Variants in CYP39A1 observed in about 807,000 individuals in gnomAD.
CYP39A1 encodes cytochrome P450 family 39 subfamily A member 1.
In CYP39A1, 49 loss-of-function variants were observed where a neutral mutation model predicts 58.1. The observed-to-expected ratio is 0.84, with a 90% CI of 0.67 to 1.07. The LOEUF (loss-of-function observed/expected upper bound fraction) is 1.07. CYP39A1 is among the 50% of genes least tolerant of loss of function. The pLI is 0.00. For synonymous variants in CYP39A1, 209 were observed against 187.6 expected (o/e 1.11, Z -0.93); for missense variants, 531 against 539.4 (o/e 0.98, Z 0.16).
chr6:46,646,967 T>C (rs1424378447), intron 1 of CYP39A1, among the ~76,000 whole-genome samples: 2 of 152,056 alleles, frequency 1.3e-5, no homozygotes, highest in Admixed American at 1.3e-4. Flanking sequence ...GCAATGTTAT[T>C]GGTCTTCTCA....
chr6:46,572,944 T>G (rs139322021), intron 10 of CYP39A1, among the ~76,000 whole-genome samples: 252 of 151,900 alleles, frequency 1.7e-3, no homozygotes, highest in African/African-American at 5.8e-3. Context: ...GCTGTTGAAG[T>G]TCCCTATTGC....
intron 10 of CYP39A1, among the ~76,000 whole-genome samples, chr6:46,558,918 C>T (rs1410062395): frequency 6.6e-6 from 1 of 151,388 alleles, no homozygotes; most frequent in Non-Finnish European, 1.5e-5. Context: ...ATTGCTTGAA[C>T]CTGGGAAGCA....
At chr6:46,629,000 C>A (rs1449123597) in intron 6 of CYP39A1, among the ~76,000 whole-genome samples, 2 of 152,114 alleles carry the variant, frequency 1.3e-5, no homozygotes, top group Non-Finnish European at 2.9e-5. Flanking sequence ...GCATTAATCC[C>A]ATTTTACAGA....
At chr6:46,570,731 G>A (rs966423969) in intron 10 of CYP39A1, among the ~76,000 whole-genome samples, 1 of 152,148 alleles carries the variant, frequency 6.6e-6, no homozygotes, top group Non-Finnish European at 1.5e-5. Context: ...GAATGCAAGA[G>A]AGAAATGGGA....
At chr6:46,611,092 A>G (rs1176895045) in intron 7 of CYP39A1, among the ~76,000 whole-genome samples, 2 of 152,198 alleles carry the variant, frequency 1.3e-5, no homozygotes, top group Non-Finnish European at 2.9e-5. Flanking sequence ...GGCAAACCAC[A>G]CATGTTTCTA....
chr6:46,595,595 G>A (rs1773099681), intron 8 of CYP39A1, among the ~76,000 whole-genome samples: 1 of 151,694 alleles, frequency 6.6e-6, no homozygotes, highest in Admixed American at 6.6e-5. Flanking sequence ...GTAAAGAAGG[G>A]GTGGAGGAGG....
At chr6:46,554,590 T>C (rs912365396) in intron 10 of CYP39A1, among the ~76,000 whole-genome samples, 1 of 145,034 alleles carries the variant, frequency 6.9e-6, no homozygotes, top group African/African-American at 2.5e-5. Context: ...GACTATTTTC[T>C]AAGACACATA....
At position 46,650,111 on chromosome 6, in the gene CYP39A1, T is replaced by TACACACACACACACACAC. The variant is rs3085603; in HGVS notation, c.177+2277_177+2294dup. 4.2e-3 allele frequency among the ~76,000 whole-genome samples: 619 copies of TACACACACACACACACAC among 147,010 alleles called. 2 individuals are homozygous for TACACACACACACACACAC. Among genetic ancestry groups the TACACACACACACACACAC allele is most frequent in the Middle Eastern group, 0.011 (3 of 284 alleles). On this transcript the variant is annotated intron_variant, in intron 1 of 11. Coordinates refer to ENST00000275016, the MANE Select transcript of CYP39A1 (RefSeq NM_016593.5). ...TGGATGTTAAGACAATTACTACATT[T>TACACACACACACACACAC]ACACACACACACACACACACACACA...
rs545044979 is a variant in CYP39A1 at position 46,550,297 on chromosome 6, C to T, written c.*69G>A. 5.4e-6 allele frequency: 7 copies of T among 1,293,180 alleles called. No homozygotes were observed. The South Asian group carries it at 8.8e-5, about 16-fold the overall frequency. 80.1% of individuals were successfully genotyped at this position (1,293,180 alleles called of 1,614,324 possible). A position where few individuals can be genotyped will look rare whatever the true frequency, so the allele number is the denominator to read the frequency against. ...CAGTGTGTTTTTGTAGAGCTCAGGT[C>T]TAGGTGCTGCCAGGTGGGGTAGTGC... On this transcript the variant is annotated 3_prime_UTR_variant, in exon 12 of 12. Transcript: ENST00000275016.
intron 8 of CYP39A1, among the ~76,000 whole-genome samples, chr6:46,595,461 T>G (rs114765328): frequency 0.011 from 1,598 of 152,048 alleles, 28 homozygotes; most frequent in African/African-American, 0.037. Context: ...AGAAAACATT[T>G]TGTTAAGTGA....
chr6:46,583,545 G>T (rs751039099), intron 10 of CYP39A1: 4 of 985,372 alleles, frequency 4.1e-6, no homozygotes, highest in Non-Finnish European at 4.8e-6. Context: ...TTCTGAAGAA[G>T]TCTGGTGGTT....
At chr6:46,644,245 G>T (rs950249517) in intron 1 of CYP39A1, among the ~76,000 whole-genome samples, 13 of 152,070 alleles carry the variant, frequency 8.5e-5, no homozygotes, top group African/African-American at 2.9e-4. Context: ...CAATTTTTGG[G>T]GACTGGCTTT....
intron 5 of CYP39A1, among the ~76,000 whole-genome samples, chr6:46,636,151 CG>C (rs1775974281): frequency 6.6e-6 from 1 of 152,046 alleles, no homozygotes; most frequent in Non-Finnish European, 1.5e-5. Context: ...TACGGAACAT[CG>C]GAATTGTATT....
At position 46,557,861 on chromosome 6, in the gene CYP39A1, C is replaced by T. The variant is rs180837581; in HGVS notation, c.1251-4007G>A. ...CTGAGGCAGAGAATTGCTTGAACTC[C>T]GGAGGCAGAGTTTGCAATGAGCTGA... On this transcript the variant is annotated intron_variant, in intron 10 of 11. Transcript: ENST00000275016. 5.5e-3 allele frequency among the ~76,000 whole-genome samples: 761 copies of T among 139,034 alleles called. 5 individuals are homozygous for T. Among genetic ancestry groups the T allele is most frequent in the Non-Finnish European group, 6.7e-3 (446 of 66,470 alleles). 91.2% of individuals were successfully genotyped at this position (139,034 alleles called of 152,430 possible). A position where few individuals can be genotyped will look rare whatever the true frequency, so the allele number is the denominator to read the frequency against.
chr6:46,626,909 G>A (rs77588860), intron 6 of CYP39A1, among the ~76,000 whole-genome samples: 11,470 of 152,112 alleles, frequency 0.075, 1,351 homozygotes, highest in African/African-American at 0.26. Context: ...AAGACATAAT[G>A]TATTAGTCTG....
At chr6:46,637,542 G>A (rs1275435612) in intron 4 of CYP39A1, among the ~76,000 whole-genome samples, 1 of 152,230 alleles carries the variant, frequency 6.6e-6, no homozygotes, top group Non-Finnish European at 1.5e-5. Context: ...CTGTAGCAAT[G>A]AGTGCAATAA....
chr6:46,620,099 T>C (rs148382802), intron 7 of CYP39A1, among the ~76,000 whole-genome samples: 492 of 152,248 alleles, frequency 3.2e-3, no homozygotes, highest in Middle Eastern at 0.014. Context: ...AGAATGTCTA[T>C]TCAAGAAAAA....
In CYP39A1 at chr6:46,652,514, C is replaced by T; in HGVS notation, c.69G>A (p.Arg23=). The change falls in exon 1 of 12, where the codon CGG becomes CGA. Residue 23 remains arginine, a synonymous_variant. Transcript: ENST00000275016. ...GCLALFLLLQ[R]KNLRRPPCIK... The stretch of plus-strand genomic sequence containing the variant: ...TGCACGGGGGTCTACGCAAATTCTT[C>T]CGCTGAAGGAGTAAGAACAGAGCAA... The T allele has an allele frequency of 3.1e-6, 5 of 1,613,976 alleles. No individual in the cohort carries two copies. Among genetic ancestry groups the T allele is most frequent in the Non-Finnish European group, 4.2e-6 (5 of 1,179,960 alleles).
chr6:46,635,654 G>A (rs1036606078), intron 5 of CYP39A1, among the ~76,000 whole-genome samples: 2 of 152,146 alleles, frequency 1.3e-5, no homozygotes, highest in Admixed American at 6.6e-5. Flanking sequence ...CCAGGCTCAA[G>A]TGTGATCCTC....
Sources: gnomAD v4.1 joint callset for allele counts (sites outside exome capture counted in the v4.1 genomes callset) on GRCh38, gnomAD v4.1.1 for gene constraint, MANE v1.5 for transcripts, NCBI Gene and HGNC (gene_info 2026-07-23, HGNC 2026-07-21) for gene names.